Variants in KCNN1 observed in about 807,000 individuals in gnomAD.
The protein encoded by KCNN1 is potassium calcium-activated channel subfamily N member 1.
In KCNN1, 20 loss-of-function variants were observed where a neutral mutation model predicts 44.7. That is an observed-to-expected ratio of 0.45 (90% CI 0.32 to 0.65). The LOEUF (loss-of-function observed/expected upper bound fraction) is 0.65. KCNN1 is among the 30% of genes least tolerant of loss of function. The probability of loss-of-function intolerance (pLI) is 0.05; values close to 1 mark genes in which losing one functional copy is unlikely to be tolerated. For missense variants in KCNN1, 632 were observed against 785.3 expected (o/e 0.80, Z 2.33); for synonymous variants, 324 against 341.7 (o/e 0.95, Z 0.57).
upstream of KCNN1, among the ~76,000 whole-genome samples, chr19:17,965,283 A>AAAAG (rs1371221644): frequency 4.0e-5 from 6 of 151,882 alleles, no homozygotes; most frequent in African/African-American, 1.4e-4. Context: ...CAAAAAAAAA[A>AAAAG]AAAGAAAGAA....
chr19:17,966,035 T>G (rs376108862), upstream of KCNN1, among the ~76,000 whole-genome samples: 7,584 of 63,026 alleles, frequency 0.12, 230 homozygotes, highest in African/African-American at 0.19. Context: ...CTTCCTTCCT[T>G]CCTTCCTTCC....
intron 1 of KCNN1, among the ~76,000 whole-genome samples, chr19:17,954,177 A>C (rs1432885003): frequency 1.3e-5 from 2 of 152,224 alleles, no homozygotes; most frequent in Non-Finnish European, 2.9e-5. Context: ...AGCAACACCA[A>C]GCCAGAGCGC....
At chr19:17,988,174 A>G (rs1447052125) in intron 5 of KCNN1, among the ~76,000 whole-genome samples, 1 of 150,396 alleles carries the variant, frequency 6.6e-6, no homozygotes, top group East Asian at 1.9e-4. Flanking sequence ...AAAAAAAAAA[A>G]AAAGAATCGT....
At chr19:17,986,806 C>CT (rs201694019) in intron 5 of KCNN1, among the ~76,000 whole-genome samples, 28 of 150,416 alleles carry the variant, frequency 1.9e-4, no homozygotes, top group East Asian at 4.0e-4. Context: ...CCATGCCTGA[C>CT]TTTGTTTTTT....
At chr19:17,968,107 A>C in intron 1 of KCNN1, among the ~76,000 whole-genome samples, 1 of 144,230 alleles carries the variant, frequency 6.9e-6, no homozygotes. Context: ...TGGTGGCGGG[A>C]AGGGGGATCC....
rs1431266400 is a variant in KCNN1 at position 17,993,327 on chromosome 19, C to T, written c.1308-163C>T. 6.6e-6 allele frequency among the ~76,000 whole-genome samples: 1 copy of T among 152,164 alleles called. No homozygotes were observed. Among genetic ancestry groups the T allele is most frequent in the Non-Finnish European group, 1.5e-5 (1 of 68,020 alleles). The stretch of plus-strand genomic sequence containing the variant: ...CTGGCCCTGGCGCACCGGCTGTGTA[C>T]TGGGAGGGAATAGACTACAGGGAAT... On this transcript the variant is annotated intron_variant, in intron 8 of 9. Coordinates refer to ENST00000684775, the MANE Select transcript of KCNN1 (RefSeq NM_001386974.1). This position sits in a 1 kb window ranked among gnomAD's most constrained non-coding sequence, Gnocchi z 4.5.
Position 17,961,226 on chromosome 19 carries a change from A to G in KCNN1, c.-82+6545A>G, listed in dbSNP as rs532500665. On this transcript the variant is annotated intron_variant, in intron 2 of 10. Coordinates refer to the KCNN1 transcript ENST00000222249. ...AAAAAACCCAGAAACCAGTTATTAG[A>G]TCAGAGCCAGAACTAACCCACTATG... Among the ~76,000 whole-genome samples the G allele has an allele frequency of 9.1e-4, 136 of 150,206 alleles. 1 individual carries two copies. Among genetic ancestry groups the G allele is most frequent in the Non-Finnish European group, 3.1e-4 (21 of 67,686 alleles).
At position 17,989,862 on chromosome 19, in the gene KCNN1, C is replaced by G; in HGVS notation, c.1298+19C>G. ...TCCATCAGTAAGTCCAGCACCTTTC[C>G]AGCTCACGTTTCTGTGTCCACATGG... is the stretch of plus-strand genomic sequence containing the variant. On this transcript the variant is annotated intron_variant, in intron 7 of 9. Transcript: ENST00000684775. 6.2e-7 allele frequency: 1 copy of G among 1,611,282 alleles called. No homozygotes were observed. Among genetic ancestry groups the G allele is most frequent in the South Asian group, 1.1e-5 (1 of 90,970 alleles).
chr19:17,995,110 T>G (rs971494285), intron 9 of KCNN1, among the ~76,000 whole-genome samples: 2 of 152,128 alleles, frequency 1.3e-5, no homozygotes, highest in Non-Finnish European at 2.9e-5. Flanking sequence ...CCTCCATCAC[T>G]AGGAAGAGAA....
chr19:17,997,022 C>G (rs2033020346), intron 9 of KCNN1, among the ~76,000 whole-genome samples: 1 of 152,154 alleles, frequency 6.6e-6, no homozygotes, highest in Non-Finnish European at 1.5e-5. Context: ...CTAGTGCCAC[C>G]TGGTGGCCAG....
chr19:17,981,977 C>T lies in KCNN1; in HGVS notation c.767C>T (p.Ser256Leu), dbSNP rs868614193. Residue 256 changes from serine to leucine, a missense_variant, in exon 4 of 10, where the codon TCG (serine) becomes TTG (leucine). By Grantham distance (145) the Ser-to-Leu change is moderately radical (BLOSUM62 -2). Coordinates refer to ENST00000684775, the MANE Select transcript of KCNN1 (RefSeq NM_001386974.1). ...CACAGCAAAATCTTCACGGACGCCT[C>T]GAGCCGCAGCATCGGGGCCCTCAAC... ...LLHSKIFTDA[S>L]SRSIGALNKI... 6.2e-7 allele frequency: 1 copy of T among 1,605,584 alleles called. No homozygotes were observed. Among genetic ancestry groups the T allele is most frequent in the Non-Finnish European group, 8.5e-7 (1 of 1,176,892 alleles).
At chr19:17,991,702 A>T (rs1385385476) in intron 7 of KCNN1, among the ~76,000 whole-genome samples, 15 of 152,222 alleles carry the variant, frequency 9.9e-5, no homozygotes, top group Non-Finnish European at 8.8e-5. Flanking sequence ...AAAATATATT[A>T]AAATAAGTAA....
intron 2 of KCNN1, among the ~76,000 whole-genome samples, chr19:17,957,190 G>GGAGGAGAGGGGAGGA (rs1306383370): frequency 1.8e-5 from 2 of 110,974 alleles, no homozygotes; most frequent in Admixed American, 9.1e-5. Context: ...AGAGGAGAGG[G>GGAGGAGAGGGGAGGA]GAGGAGAGGG....
chr19:17,965,840 C>T (rs560388195), upstream of KCNN1, among the ~76,000 whole-genome samples: 24 of 152,238 alleles, frequency 1.6e-4, no homozygotes, highest in Non-Finnish European at 2.8e-4. Context: ...ATTGTCACCA[C>T]GGCCGGGCCT....
chr19:17,952,350 T>TGGGG (rs1267626782), intron 1 of KCNN1: 1 of 152,294 alleles, frequency 6.6e-6, no homozygotes, highest in African/African-American at 2.4e-5. Context: ...TGAGTGGCAG[T>TGGGG]GGGGGGCACG....
intron 3 of KCNN1, among the ~76,000 whole-genome samples, chr19:17,978,444 TA>T (rs1180028307): frequency 6.8e-6 from 1 of 147,300 alleles, no homozygotes; most frequent in East Asian, 2.0e-4. Context: ...TTTTTTTTTT[TA>T]AACACAGGAT....
chr19:17,991,513 G>A (rs1242951005), intron 7 of KCNN1, among the ~76,000 whole-genome samples: 1 of 151,814 alleles, frequency 6.6e-6, no homozygotes, highest in Non-Finnish European at 1.5e-5. Context: ...TTGAGAGGCC[G>A]AGGCAGGTGG....
intron 9 of KCNN1, among the ~76,000 whole-genome samples, chr19:17,994,217 G>C (rs989798495): frequency 6.6e-6 from 1 of 152,052 alleles, no homozygotes. Context: ...GGCTGAGGCA[G>C]GCAGATCACT....
At chr19:17,959,181 C>T (rs1260626981) in intron 2 of KCNN1, among the ~76,000 whole-genome samples, 1 of 151,874 alleles carries the variant, frequency 6.6e-6, no homozygotes, top group Non-Finnish European at 1.5e-5. Context: ...TGCGCCACCA[C>T]ACCCAGCTAA....
Sources: gnomAD v4.1 joint callset for allele counts (sites outside exome capture counted in the v4.1 genomes callset) on GRCh38, gnomAD v4.1.1 for gene constraint, Gnocchi (gnomAD v3.1) non-coding constraint, MANE v1.5 for transcripts, NCBI Gene and HGNC (gene_info 2026-07-23, HGNC 2026-07-21) for gene names.